The following GPCPD1 variants were observed in gnomAD, a reference collection of about 807,000 sequenced individuals.
GPCPD1 encodes the protein glycerophosphocholine phosphodiesterase 1.
GPCPD1 carries 29 observed loss-of-function variants against 89.2 expected under a neutral mutation model. The ratio of observed to expected loss-of-function variants is 0.33; its 90% CI spans 0.24 to 0.44. GPCPD1 has a LOEUF of 0.44. Ranked by LOEUF, GPCPD1 falls within the 20% of genes least tolerant of loss-of-function variation. The probability of loss-of-function intolerance (pLI) is 1.00; values close to 1 mark genes in which losing one functional copy is unlikely to be tolerated. For missense variants in GPCPD1, 594 were observed against 808.9 expected, an observed-to-expected ratio of 0.73 and a Z score of 3.22; for synonymous variants, 258 against 266.3, an observed-to-expected ratio of 0.97 and a Z score of 0.30.
intron 19 of GPCPD1, among the ~76,000 whole-genome samples, chr20:5,549,831 T>C (rs1435798712): frequency 1.4e-5 from 2 of 147,868 alleles, no homozygotes; most frequent in African/African-American, 2.5e-5. Context: ...GCTAAATATA[T>C]GGAAAAAAAT....
intron 2 of GPCPD1, among the ~76,000 whole-genome samples, chr20:5,601,410 C>G (rs1980142828): frequency 7.0e-6 from 1 of 142,476 alleles, no homozygotes; most frequent in Non-Finnish European, 1.5e-5. Flanking sequence ...GCTCCATCGC[C>G]CAGGCTGGAG....
At chr20:5,598,001 T>G (rs1159682232) in intron 3 of GPCPD1, among the ~76,000 whole-genome samples, 1 of 151,958 alleles carries the variant, frequency 6.6e-6, no homozygotes, top group Non-Finnish European at 1.5e-5. Context: ...GAATATGTAC[T>G]TACCATTAAA....
intron 6 of GPCPD1, among the ~76,000 whole-genome samples, chr20:5,581,814 CTTTTTTTT>C (rs11479995): frequency 1.0e-3 from 78 of 75,016 alleles, no homozygotes; most frequent in Middle Eastern, 0.017. Flanking sequence ...GGGACTTTAA[CTTTTTTTT>C]TTTTTTTTTT....
intron 5 of GPCPD1, chr20:5,585,081 T>C (rs1374900170): frequency 1.3e-5 from 2 of 152,202 alleles, no homozygotes; most frequent in Non-Finnish European, 2.9e-5. Context: ...AAAGTATACA[T>C]TCCTTTCTAA....
rs551377231 is a variant in GPCPD1, at chr20:5,608,022, C to T, written c.-29+2820G>A. Among the ~76,000 whole-genome samples the T allele has an allele frequency of 2.0e-4, 31 of 152,164 alleles. 1 individual carries two copies. The South Asian group carries it at 6.0e-3, about 30-fold the overall frequency. On this transcript the variant is annotated intron_variant, in intron 1 of 19. Transcript: ENST00000379019. ...ACATGATTAAATAGTTTGTATTTTG[C>T]TATTTGTTGACTAACTTTAAATAAC... is the stretch of plus-strand genomic sequence containing the variant.
At chr20:5,564,681 A>T (rs1232772329) in intron 15 of GPCPD1, among the ~76,000 whole-genome samples, 4 of 152,104 alleles carry the variant, frequency 2.6e-5, no homozygotes, top group Admixed American at 6.5e-5. Flanking sequence ...ACAAAAAAAT[A>T]AAAAAATTAG....
chr20:5,576,836 TAAAC>T (rs1293493812), intron 8 of GPCPD1, among the ~76,000 whole-genome samples: 1 of 152,102 alleles, frequency 6.6e-6, no homozygotes, highest in Non-Finnish European at 1.5e-5. Context: ...CAAAAAATGT[TAAAC>T]AAAGTAAAGG....
Position 5,575,990 on chromosome 20 carries a change from A to G in GPCPD1, c.706-12T>C, listed in dbSNP as rs1159817768. 1 of 1,532,536 alleles carries G rather than the reference A, an allele frequency of 6.5e-7. No individual in the cohort carries two copies. The highest frequency in any genetic ancestry group is 1.1e-5 in the South Asian group (1 of 87,812). The allele number at this position is 1,532,536 out of a possible 1,614,324, so 94.9% of individuals were successfully genotyped here. A position where few individuals can be genotyped will look rare whatever the true frequency, so the allele number is the denominator to read the frequency against. On this transcript the variant is annotated splice_polypyrimidine_tract_variant and intron_variant, in intron 8 of 19. Coordinates refer to ENST00000379019, the MANE Select transcript of GPCPD1 (RefSeq NM_019593.5). ...TCACTGAGATCTTCCTGAAAAAATG[A>G]GATTTAAAATAATCTTAATTTTTAA... is the stretch of plus-strand genomic sequence containing the variant.
intron 15 of GPCPD1, among the ~76,000 whole-genome samples, chr20:5,564,326 G>GT (rs959022589): frequency 1.3e-5 from 2 of 149,224 alleles, no homozygotes; most frequent in African/African-American, 2.5e-5. Flanking sequence ...TTAAAATATT[G>GT]TTAAAAAAAA....
At chr20:5,585,257 A>G (rs956758883) in intron 5 of GPCPD1, 3 of 152,132 alleles carry the variant, frequency 2.0e-5, no homozygotes, top group Admixed American at 6.5e-5. Context: ...ATACACTATC[A>G]AAAATGTATT....
In GPCPD1 at chr20:5,599,416, G is replaced by A. The variant is rs1483710839; in HGVS notation, c.50-595C>T. Among the ~76,000 whole-genome samples, 10 of 151,904 alleles carry A rather than the reference G, an allele frequency of 6.6e-5. No homozygotes were observed. The East Asian group carries it at 1.2e-3, about 18-fold the overall frequency. On this transcript the variant is annotated intron_variant, in intron 2 of 19. Transcript: ENST00000379019. ...CAGGAGGCAGAGGTTGCAGTGAGCC[G>A]AAATCACACCACTATACTCCAGCCT...
intron 14 of GPCPD1, 136 bp downstream of exon 14, chr20:5,566,597 T>C: frequency 1.7e-6 from 1 of 601,798 alleles, no homozygotes; most frequent in Non-Finnish European, 3.0e-6. Flanking sequence ...ATTTCCGAAC[T>C]ATAAAATTAC....
Position 5,557,944 on chromosome 20 carries a change from C to A in GPCPD1, c.1829+1G>T, listed in dbSNP as rs1352059131. Reference sequence around the variant, plus strand: ...GAAAATTTTTCATGAAAAACAAATACCTATCATAAATTAGACCATTAACTC... The same window carrying A: ...GAAAATTTTTCATGAAAAACAAATAACTATCATAAATTAGACCATTAACTC... On this transcript the variant is annotated splice_donor_variant, in intron 19 of 19. Coordinates refer to ENST00000379019, the MANE Select transcript of GPCPD1 (RefSeq NM_019593.5). LOFTEE classifies it high-confidence loss of function. 3 of 1,513,594 alleles carry A rather than the reference C, an allele frequency of 2.0e-6. No homozygotes were observed. Among genetic ancestry groups the A allele is most frequent in the African/African-American group, 2.8e-5 (2 of 71,794 alleles). 93.8% of individuals were successfully genotyped at this position (1,513,594 alleles called of 1,614,324 possible). A position where few individuals can be genotyped will look rare whatever the true frequency, so the allele number is the denominator to read the frequency against.
At chr20:5,575,764 A>C in intron 9 of GPCPD1, 52 bp downstream of exon 9, 1 of 1,198,376 alleles carries the variant, frequency 8.3e-7, no homozygotes. Context: ...ATTTGAAACT[A>C]ATTAAAATTC....
intron 8 of GPCPD1, among the ~76,000 whole-genome samples, chr20:5,576,331 A>T (rs986753964): frequency 6.6e-6 from 1 of 151,628 alleles, no homozygotes; most frequent in African/African-American, 2.4e-5. Context: ...AATGCAGGAG[A>T]AACACTTGAA....
intron 4 of GPCPD1, among the ~76,000 whole-genome samples, chr20:5,588,374 AC>A (rs1979076083): frequency 6.6e-6 from 1 of 151,944 alleles, no homozygotes; most frequent in Non-Finnish European, 1.5e-5. Flanking sequence ...GTGTGGTGGC[AC>A]ACAACTGTAG....
At chr20:5,582,078 C>T (rs1378639532) in intron 6 of GPCPD1, among the ~76,000 whole-genome samples, 36 of 145,362 alleles carry the variant, frequency 2.5e-4, no homozygotes, top group African/African-American at 8.1e-4. Flanking sequence ...CCCAGCTACT[C>T]GGGAGGCTGA....
intron 19 of GPCPD1, among the ~76,000 whole-genome samples, chr20:5,553,720 T>G (rs1173137577): frequency 1.3e-5 from 2 of 152,210 alleles, no homozygotes; most frequent in African/African-American, 4.8e-5. Context: ...AACATTTCCT[T>G]AAGCCAAAAC....
intron 15 of GPCPD1, among the ~76,000 whole-genome samples, chr20:5,563,003 G>A (rs1432868685): frequency 6.9e-6 from 1 of 145,398 alleles, no homozygotes; most frequent in South Asian, 2.1e-4. Flanking sequence ...TTTTTTTTGA[G>A]ACGGAGTCTC....
Sources: gnomAD v4.1 joint callset for allele counts (sites outside exome capture counted in the v4.1 genomes callset) on GRCh38, gnomAD v4.1.1 for gene constraint, MANE v1.5 for transcripts, NCBI Gene and HGNC (gene_info 2026-07-23, HGNC 2026-07-21) for gene names.